The following RIMKLA variants were observed in gnomAD, a reference collection of about 807,000 sequenced individuals.
RIMKLA encodes the protein N-acetylaspartylglutamate synthase A.
A neutral mutation model predicts 32.7 loss-of-function variants in RIMKLA; 14 were observed. The ratio of observed to expected loss-of-function variants is 0.43; its 90% CI spans 0.28 to 0.67. The LOEUF is 0.67. RIMKLA is among the 30% of genes least tolerant of loss of function. The probability of loss-of-function intolerance (pLI) is 0.18; values close to 1 mark genes in which losing one functional copy is unlikely to be tolerated. For missense variants in RIMKLA, 410 were observed against 519.0 expected, an observed-to-expected ratio of 0.79 and a Z score of 2.04; for synonymous variants, 176 against 204.1, an observed-to-expected ratio of 0.86 and a Z score of 1.18.
In RIMKLA at chr1:42,399,546, A is replaced by G. The variant is rs1316569998; in HGVS notation, c.306A>G (p.Pro102=). Residue 102 remains proline, a synonymous_variant, in exon 2 of 5, where the codon CCA becomes CCG. Coordinates refer to ENST00000431473, the MANE Select transcript of RIMKLA (RefSeq NM_173642.4). ...EKLGCRLVNR[P]QSILNCINKF... Reference sequence around the variant, plus strand: ...TGGGCTGCCGGTTGGTCAATCGCCCACAGAGCATCTTAAATTGCATCAACA... The same window carrying G: ...TGGGCTGCCGGTTGGTCAATCGCCCGCAGAGCATCTTAAATTGCATCAACA... The G allele has an allele frequency of 6.2e-7, 1 of 1,613,468 alleles. No individual in the cohort carries two copies. Among genetic ancestry groups the G allele is most frequent in the African/African-American group, 1.3e-5 (1 of 74,930 alleles).
At chr1:42,392,233 CCCT>C (rs1643005570) in intron 1 of RIMKLA, among the ~76,000 whole-genome samples, 1 of 152,168 alleles carries the variant, frequency 6.6e-6, no homozygotes, top group Non-Finnish European at 1.5e-5. Context: ...CCTAACTGCT[CCCT>C]CCTCCTTTGC....
rs1277442891 is a variant in RIMKLA at position 42,419,138 on chromosome 1, T to C, written c.*4164T>C. 1 of 152,266 alleles carries C rather than the reference T, an allele frequency of 6.6e-6. No individual in the cohort carries two copies. Among genetic ancestry groups the C allele is most frequent in the Non-Finnish European group, 1.5e-5 (1 of 68,052 alleles). The allele number at this position is 152,266 out of a possible 1,614,324, so 9.4% of individuals were successfully genotyped here. On this transcript the variant is annotated 3_prime_UTR_variant, in exon 5 of 5. Coordinates refer to ENST00000431473, the MANE Select transcript of RIMKLA (RefSeq NM_173642.4). ...TCTTCTAAGGGCTATAATGTTATAATCTTTTCCTAAAACTAAATCATGCCT... is the reference window on the plus strand; with the variant it reads ...TCTTCTAAGGGCTATAATGTTATAACCTTTTCCTAAAACTAAATCATGCCT...
intron 4 of RIMKLA, among the ~76,000 whole-genome samples, chr1:42,412,007 C>T (rs1643202941): frequency 6.6e-6 from 1 of 152,064 alleles, no homozygotes; most frequent in African/African-American, 2.4e-5. Context: ...AGTGTTGAAC[C>T]TTGTGTGTGT....
chr1:42,412,048 C>A (rs1643203335), intron 4 of RIMKLA, among the ~76,000 whole-genome samples: 1 of 152,110 alleles, frequency 6.6e-6, no homozygotes, highest in Non-Finnish European at 1.5e-5. Context: ...AGTTACCTTA[C>A]AAAATCCATT....
In RIMKLA at chr1:42,423,852, G is replaced by A. The variant is rs1484969640; in HGVS notation, c.*8878G>A. 6.6e-6 allele frequency among the ~76,000 whole-genome samples: 1 copy of A among 152,120 alleles called. No homozygotes were observed. On this transcript the variant is annotated 3_prime_UTR_variant, in exon 5 of 5. Transcript: ENST00000431473. ...TGAGAGGCTTCTCTCAAAAATGATC[G>A]CTCTTCCACTAACCTTAGGTCTACT... is the stretch of plus-strand genomic sequence containing the variant.
At position 42,403,537 on chromosome 1, in the gene RIMKLA, T is replaced by C. The variant is rs568826300; in HGVS notation, c.395-974T>C. Among the ~76,000 whole-genome samples, 123 of 152,350 alleles carry C rather than the reference T, an allele frequency of 8.1e-4. 2 individuals are homozygous for C. In the South Asian group the frequency reaches 0.024, roughly 29 times the overall value. The stretch of plus-strand genomic sequence containing the variant: ...ATAAAACAATTTAGAAAGATTTTCA[T>C]GCACATCGTTATTCATATTTTTTTA... On this transcript the variant is annotated intron_variant, in intron 2 of 4. Coordinates refer to ENST00000431473, the MANE Select transcript of RIMKLA (RefSeq NM_173642.4).
In RIMKLA at chr1:42,399,582, G is replaced by A. The variant is rs377564230; in HGVS notation, c.342G>A (p.Thr114=). 2.2e-5 allele frequency: 36 copies of A among 1,612,976 alleles called. No homozygotes were observed. Among genetic ancestry groups the A allele is most frequent in the South Asian group, 1.8e-4 (16 of 90,670 alleles). The change falls in exon 2 of 5, where the codon ACG becomes ACA. Residue 114 remains threonine (T), a synonymous_variant. Coordinates refer to ENST00000431473, the MANE Select transcript of RIMKLA (RefSeq NM_173642.4). ...TAAATTGCATCAACAAATTCTGGACGTTCCAAGAACTGGCTGGACATGGGG... is the reference window on the plus strand; with the variant it reads ...TAAATTGCATCAACAAATTCTGGACATTCCAAGAACTGGCTGGACATGGGG... ...SILNCINKFW[T]FQELAGHGVP... is the part of the protein sequence containing the mutation.
intron 1 of RIMKLA, among the ~76,000 whole-genome samples, chr1:42,398,737 C>T (rs1643068208): frequency 2.6e-5 from 4 of 152,124 alleles, no homozygotes; most frequent in South Asian, 4.2e-4. Context: ...AAGGCTGAGG[C>T]GAGTGAACTG....
chr1:42,421,868 T>TC lies in RIMKLA; in HGVS notation c.*6895dup, dbSNP rs1643298371. 1 of 152,228 alleles carries TC rather than the reference T, an allele frequency of 6.6e-6. No individual in the cohort carries two copies. The highest frequency in any genetic ancestry group is 6.5e-5 in the Admixed American group (1 of 15,288). The allele number at this position is 152,228 out of a possible 1,614,324, so 9.4% of individuals were successfully genotyped here. Reference sequence around the variant, plus strand: ...TCACTTCCTAATTATTTTACTATTATCTATGTTCTTGAGGATACTGACATC... The same window carrying TC: ...TCACTTCCTAATTATTTTACTATTATCCTATGTTCTTGAGGATACTGACATC... On this transcript the variant is annotated 3_prime_UTR_variant, in exon 5 of 5. Coordinates refer to ENST00000431473, the MANE Select transcript of RIMKLA (RefSeq NM_173642.4). The surrounding 1 kb of genome is among the most constrained non-coding windows in gnomAD (Gnocchi z 4.6).
intron 1 of RIMKLA, among the ~76,000 whole-genome samples, chr1:42,389,330 A>C (rs1005589803): frequency 6.6e-6 from 1 of 152,190 alleles, no homozygotes; most frequent in Non-Finnish European, 1.5e-5. Context: ...CACACCTATC[A>C]AGGGAGTGAC....
At chr1:42,397,956 T>C (rs960490447) in intron 1 of RIMKLA, among the ~76,000 whole-genome samples, 2 of 152,106 alleles carry the variant, frequency 1.3e-5, no homozygotes, top group African/African-American at 2.4e-5. Flanking sequence ...ACCAAGCAAG[T>C]TGCTGTGAAC....
intron 1 of RIMKLA, among the ~76,000 whole-genome samples, chr1:42,389,170 A>G (rs2148384848): frequency 6.6e-6 from 1 of 152,364 alleles, no homozygotes; most frequent in Non-Finnish European, 1.5e-5. Flanking sequence ...AAAGGAAGAC[A>G]GGTATAAGTT....
intron 1 of RIMKLA, among the ~76,000 whole-genome samples, chr1:42,390,381 A>G (rs867759440): frequency 2.6e-5 from 4 of 152,310 alleles, no homozygotes; most frequent in Admixed American, 2.0e-4. Flanking sequence ...GTACATTTGT[A>G]TGCTGTTGTG....
At chr1:42,387,632 A>G (rs562411755) in intron 1 of RIMKLA, among the ~76,000 whole-genome samples, 1 of 152,306 alleles carries the variant, frequency 6.6e-6, no homozygotes, top group South Asian at 2.1e-4. Context: ...CAGTAGAGAT[A>G]AAATGGAGAG....
intron 1 of RIMKLA, among the ~76,000 whole-genome samples, chr1:42,383,132 C>G (rs1489703537): frequency 6.6e-6 from 1 of 151,948 alleles, no homozygotes; most frequent in African/African-American, 2.4e-5. Flanking sequence ...GTGATCCATC[C>G]GCCTCGACCT....
chr1:42,386,389 A>T (rs1334203065), intron 1 of RIMKLA, among the ~76,000 whole-genome samples: 2 of 151,872 alleles, frequency 1.3e-5, no homozygotes, highest in Non-Finnish European at 2.9e-5. Context: ...AGCAGGGAGG[A>T]CACTGCATCT....
chr1:42,396,115 A>T (rs1014200060), intron 1 of RIMKLA, among the ~76,000 whole-genome samples: 11 of 152,086 alleles, frequency 7.2e-5, no homozygotes, highest in Admixed American at 5.9e-4. Flanking sequence ...AGGCACCTGT[A>T]ATCCCAGCTA....
rs1643289075 is a variant in RIMKLA, at chr1:42,420,766, G to A, written c.*5792G>A. On this transcript the variant is annotated 3_prime_UTR_variant, in exon 5 of 5. Transcript: ENST00000431473. The stretch of plus-strand genomic sequence containing the variant: ...CTTTTGGAAGGCAGCGTGGGCTAAT[G>A]TGAATGGTACTAGTCTGAGTCAGAT... 2 of 152,444 alleles carry A rather than the reference G, an allele frequency of 1.3e-5. No homozygotes were observed. Among genetic ancestry groups the A allele is most frequent in the Admixed American group, 1.3e-4 (2 of 15,308 alleles). 9.4% of individuals were successfully genotyped at this position (152,444 alleles called of 1,614,324 possible).
rs544115515 is a variant in RIMKLA, at chr1:42,415,763, G to A, written c.*789G>A. 6.6e-6 allele frequency: 1 copy of A among 152,248 alleles called. No individual in the cohort carries two copies. Among genetic ancestry groups the A allele is most frequent in the African/African-American group, 2.4e-5 (1 of 41,552 alleles). 9.4% of individuals were successfully genotyped at this position (152,248 alleles called of 1,614,324 possible). On this transcript the variant is annotated 3_prime_UTR_variant, in exon 5 of 5. Transcript: ENST00000431473. ...TGGCCACTCAGTTTATTTCTTAAGCGTGCACTAGAATCTAACACCATGGAC... is the reference window on the plus strand; with the variant it reads ...TGGCCACTCAGTTTATTTCTTAAGCATGCACTAGAATCTAACACCATGGAC...
Sources: allele counts gnomAD v4.1 joint callset (sites outside exome capture counted in the v4.1 genomes callset), GRCh38; gene constraint gnomAD v4.1.1; non-coding constraint Gnocchi (gnomAD v3.1); transcripts MANE v1.5; gene names NCBI Gene and HGNC (gene_info 2026-07-23, HGNC 2026-07-21).